The following FAM117B variants were observed in gnomAD, a reference collection of about 807,000 sequenced individuals.
FAM117B encodes the protein family with sequence similarity 117 member B.
In FAM117B, 22 loss-of-function variants were observed where a neutral mutation model predicts 52.8. The ratio of observed to expected loss-of-function variants is 0.42; its 90% CI spans 0.30 to 0.59. The LOEUF (loss-of-function observed/expected upper bound fraction) is 0.59. Among genes scored for constraint, FAM117B ranks in the 20% least tolerant of loss-of-function variants. The pLI, the probability that FAM117B is intolerant of heterozygous loss-of-function variation, is 0.22. For missense variants in FAM117B, 678 were observed against 802.6 expected (o/e 0.84, Z 1.88); for synonymous variants, 309 against 324.1 (o/e 0.95, Z 0.50).
chr2:202,724,940 A>G lies in FAM117B; in HGVS notation c.777A>G (p.Glu259=), dbSNP rs768076751. The G allele has an allele frequency of 1.2e-6, 2 of 1,612,640 alleles. No individual in the cohort carries two copies. Among genetic ancestry groups the G allele is most frequent in the South Asian group, 2.2e-5 (2 of 90,932 alleles). Residue 259 remains glutamate, a synonymous_variant, in exon 3 of 8, where the codon GAA becomes GAG. Transcript: ENST00000392238. ...AGACAGAGAGTGCATGGGCTGAAGA[A>G]TACTCTGAAAAGAAGAAAGGGTCTC... is the stretch of plus-strand genomic sequence containing the variant. The part of the protein sequence containing the change: ...ATQTESAWAE[E]YSEKKKGSHK...
intron 4 of FAM117B, among the ~76,000 whole-genome samples, chr2:202,731,643 G>T (rs866727573): frequency 1.3e-5 from 2 of 151,560 alleles, no homozygotes; most frequent in South Asian, 4.2e-4. Flanking sequence ...TGTTGGCCAG[G>T]CTGGTCTCGT....
intron 1 of FAM117B, among the ~76,000 whole-genome samples, chr2:202,663,039 C>T (rs1690153643): frequency 1.3e-5 from 2 of 152,168 alleles, no homozygotes. Context: ...GTTAGAAGCA[C>T]TCTTTTTAAA....
chr2:202,644,063 TG>T lies in FAM117B; in HGVS notation c.601+8276del, dbSNP rs773037485. Among the ~76,000 whole-genome samples the T allele has an allele frequency of 6.1e-3, 797 of 131,660 alleles. 53 individuals are homozygous for T. The highest frequency in any genetic ancestry group is 8.0e-3 in the Non-Finnish European group (495 of 62,066). 86.4% of individuals were successfully genotyped at this position (131,660 alleles called of 152,430 possible). The stretch of plus-strand genomic sequence containing the variant: ...ACTGCTTTAGGAGCTGTTTTTTTTT[TG>T]TTTTTTTTTTTTTTTTTTTTCAGTT... On this transcript the variant is annotated intron_variant, in intron 1 of 7. Coordinates refer to ENST00000392238, the MANE Select transcript of FAM117B (RefSeq NM_173511.4).
At chr2:202,658,364 C>T (rs916950171) in intron 1 of FAM117B, among the ~76,000 whole-genome samples, 114 of 152,096 alleles carry the variant, frequency 7.5e-4, no homozygotes, top group African/African-American at 2.6e-3. Flanking sequence ...AGTGCAGGGG[C>T]GTGATCTTGG....
intron 1 of FAM117B, among the ~76,000 whole-genome samples, chr2:202,640,064 G>A (rs1212372847): frequency 1.3e-5 from 2 of 151,936 alleles, no homozygotes; most frequent in Non-Finnish European, 2.9e-5. Flanking sequence ...GAGGTCAGGA[G>A]TTCGAGACCA....
chr2:202,635,633 C>A lies in FAM117B; in HGVS notation c.446C>A (p.Thr149Asn). The stretch of plus-strand genomic sequence containing the variant: ...CCGCCGCCGCCGCCGCTGCTGGGCA[C>A]CGTGTCGTCGCCCAGCTCGTCGCCC... ...RPPPPPPLLGTVSSPSSSPTH... is the reference protein window; with the variant it reads ...RPPPPPPLLGNVSSPSSSPTH... Residue 149 changes from threonine to asparagine, a missense_variant, in exon 1 of 8, where the codon ACC (threonine) becomes AAC (asparagine). By Grantham distance (65) the Thr-to-Asn change is moderately conservative. Around this residue, in one of 3 missense-constraint regions of FAM117B, gnomAD observed 583 missense variants for 644.8 expected, o/e 0.90. Coordinates refer to ENST00000392238, the MANE Select transcript of FAM117B (RefSeq NM_173511.4). 1 of 1,327,858 alleles carries A rather than the reference C, an allele frequency of 7.5e-7. No homozygotes were observed. 82.3% of individuals were successfully genotyped at this position (1,327,858 alleles called of 1,614,324 possible).
chr2:202,659,758 G>A (rs138343342), intron 1 of FAM117B, among the ~76,000 whole-genome samples: 15 of 151,744 alleles, frequency 9.9e-5, no homozygotes, highest in East Asian at 7.8e-4. Flanking sequence ...GGGATTACAG[G>A]CACACACTAC....
chr2:202,641,263 G>C (rs990879593), intron 1 of FAM117B, among the ~76,000 whole-genome samples: 5 of 152,208 alleles, frequency 3.3e-5, no homozygotes, highest in Non-Finnish European at 5.9e-5. Context: ...CTTTGCAGTT[G>C]GATCTTAGAG....
chr2:202,747,867 C>T (rs576919283), intron 4 of FAM117B, among the ~76,000 whole-genome samples: 2 of 151,972 alleles, frequency 1.3e-5, no homozygotes, highest in Non-Finnish European at 2.9e-5. Flanking sequence ...TTAAAATGAC[C>T]ATACTATCCA....
At chr2:202,648,630 G>A (rs1419375532) in intron 1 of FAM117B, among the ~76,000 whole-genome samples, 1 of 151,010 alleles carries the variant, frequency 6.6e-6, no homozygotes, top group African/African-American at 2.4e-5. Context: ...ATTTCATCAG[G>A]CTTTTATTTA....
rs1380965914 is a variant in FAM117B at position 202,697,698 on chromosome 2, C to T, written c.753+1666C>T. 9.9e-5 allele frequency among the ~76,000 whole-genome samples: 15 copies of T among 151,664 alleles called. No individual in the cohort carries two copies. In the East Asian group the frequency reaches 2.9e-3, roughly 29 times the overall value. ...CCCGAGGAGCTGGACTACAGGCGTGCACCACCATTTCTGACTAATTTTTGT... is the reference window on the plus strand; with the variant it reads ...CCCGAGGAGCTGGACTACAGGCGTGTACCACCATTTCTGACTAATTTTTGT... On this transcript the variant is annotated intron_variant, in intron 2 of 7. Coordinates refer to ENST00000392238, the MANE Select transcript of FAM117B (RefSeq NM_173511.4).
intron 2 of FAM117B, among the ~76,000 whole-genome samples, chr2:202,718,642 A>G (rs1333191460): frequency 1.3e-5 from 2 of 152,148 alleles, no homozygotes; most frequent in Non-Finnish European, 2.9e-5. Flanking sequence ...TATATTTGTC[A>G]AGGAGTAACT....
In FAM117B at chr2:202,635,277, C is replaced by T. The variant is rs769090465; in HGVS notation, c.90C>T (p.Ser30=). The T allele has an allele frequency of 8.8e-5, 123 of 1,403,006 alleles. No individual in the cohort carries two copies. Among genetic ancestry groups the T allele is most frequent in the Non-Finnish European group, 1.1e-4 (118 of 1,075,072 alleles). The allele number at this position is 1,403,006 out of a possible 1,614,324, so 86.9% of individuals were successfully genotyped here. A position where few individuals can be genotyped will look rare whatever the true frequency, so the allele number is the denominator to read the frequency against. The change falls in exon 1 of 8, where the codon AGC becomes AGT. Residue 30 remains serine (S), a synonymous_variant. Transcript: ENST00000392238. ...GAVATAGGPG[S]RLQPMRATVP... ...TGGCCACGGCCGGGGGACCCGGGAG[C>T]CGCTTGCAGCCCATGAGGGCGACGG...
Position 202,706,928 on chromosome 2 carries a change from TGA to T in FAM117B, c.753+10899_753+10900del, listed in dbSNP as rs148877142. On this transcript the variant is annotated intron_variant, in intron 2 of 7. Transcript: ENST00000392238. ...CTTCCTTAGGGTAAGCCTAGGAGTC[TGA>T]GAATTTTAATTTCGAAATCTTTACT... Among the ~76,000 whole-genome samples, 1,285 of 152,328 alleles carry T rather than the reference TGA, an allele frequency of 8.4e-3. 20 individuals are homozygous for T. The highest frequency in any genetic ancestry group is 0.029 in the African/African-American group (1,214 of 41,576).
intron 7 of FAM117B, 92 bp downstream of exon 7, chr2:202,759,445 AC>A: frequency 6.0e-6 from 9 of 1,492,904 alleles, no homozygotes; most frequent in Non-Finnish European, 8.1e-6. Flanking sequence ...GCTGGACTGC[AC>A]TGATGCAGTC....
At chr2:202,686,893 A>G (rs1180438498) in intron 1 of FAM117B, among the ~76,000 whole-genome samples, 1 of 152,132 alleles carries the variant, frequency 6.6e-6, no homozygotes, top group Non-Finnish European at 1.5e-5. Flanking sequence ...AATAGGATAC[A>G]TATATATTTT....
At chr2:202,758,392 C>G (rs1315907249) in intron 6 of FAM117B, among the ~76,000 whole-genome samples, 1 of 152,168 alleles carries the variant, frequency 6.6e-6, no homozygotes, top group East Asian at 1.9e-4. Flanking sequence ...CCCATACTTT[C>G]TACTTCTACG....
chr2:202,637,094 A>G (rs1689697926), intron 1 of FAM117B, among the ~76,000 whole-genome samples: 1 of 151,434 alleles, frequency 6.6e-6, no homozygotes, highest in Non-Finnish European at 1.5e-5. Flanking sequence ...ACAGGGTTTC[A>G]CCATGTTGGC....
rs997524916 is a variant in FAM117B, at chr2:202,668,414, G to A, written c.602-27467G>A. On this transcript the variant is annotated intron_variant, in intron 1 of 7. Coordinates refer to ENST00000392238, the MANE Select transcript of FAM117B (RefSeq NM_173511.4). ...ATAGTGGCGGGTGCCTGTAATCCCA[G>A]CTACTTCGGAGGCTGAGGCAGGAGA... is the stretch of plus-strand genomic sequence containing the variant. 1.4e-3 allele frequency among the ~76,000 whole-genome samples: 202 copies of A among 145,530 alleles called. 1 individual carries two copies. Among genetic ancestry groups the A allele is most frequent in the Non-Finnish European group, 3.9e-4 (26 of 66,320 alleles).
Sources: gnomAD v4.1 joint callset for allele counts (sites outside exome capture counted in the v4.1 genomes callset) on GRCh38, gnomAD v4.1.1 for gene constraint, gnomAD v4.1.1 regional missense constraint, MANE v1.5 for transcripts, NCBI Gene and HGNC (gene_info 2026-07-23, HGNC 2026-07-21) for gene names.